Variants in GALNT14 observed in about 807,000 individuals in gnomAD.
GALNT14 encodes the protein UDP-GalNAc:polypeptide N-acetylgalactosaminyltransferase 14.
A neutral mutation model predicts 77.5 loss-of-function variants in GALNT14; 60 were observed. That is an observed-to-expected ratio of 0.77 (90% confidence interval 0.63 to 0.96). The LOEUF is 0.96. Ranked by LOEUF, GALNT14 falls within the 40% of genes least tolerant of loss-of-function variation. The pLI is 0.00. For synonymous variants in GALNT14, 280 were observed against 281.7 expected (o/e 0.99, Z 0.06); for missense variants, 710 against 731.0 (o/e 0.97, Z 0.33).
At chr2:31,107,900 C>T (rs558802449) in intron 1 of GALNT14, among the ~76,000 whole-genome samples, 1 of 152,278 alleles carries the variant, frequency 6.6e-6, no homozygotes, top group South Asian at 2.1e-4. Flanking sequence ...CTCCCATAGA[C>T]CATCAGCCAA....
chr2:30,921,666 T>C (rs770368279), intron 13 of GALNT14, among the ~76,000 whole-genome samples: 4 of 152,186 alleles, frequency 2.6e-5, no homozygotes, highest in Non-Finnish European at 5.9e-5. Context: ...AATGACCACA[T>C]TCAATGTCAG....
intron 1 of GALNT14, among the ~76,000 whole-genome samples, chr2:31,073,622 G>A (rs1355683735): frequency 6.6e-6 from 1 of 151,810 alleles, no homozygotes; most frequent in Non-Finnish European, 1.5e-5. Context: ...AGGGGCCGGC[G>A]GGACTGGGGC....
In GALNT14 at chr2:30,952,396, G is replaced by A. The variant is rs566514442; in HGVS notation, c.654+3222C>T. Among the ~76,000 whole-genome samples the A allele has an allele frequency of 2.6e-5, 4 of 151,588 alleles. No individual in the cohort carries two copies. The South Asian group carries it at 8.4e-4, about 32-fold the overall frequency. On this transcript the variant is annotated intron_variant, in intron 6 of 14. Coordinates refer to ENST00000349752, the MANE Select transcript of GALNT14 (RefSeq NM_024572.4). ...CAATGATAGACTGGATTAAGAAAATGTGGCACATATACACCATGGAATACT... is the reference window on the plus strand; with the variant it reads ...CAATGATAGACTGGATTAAGAAAATATGGCACATATACACCATGGAATACT...
chr2:30,994,591 C>T (rs1304477138), intron 1 of GALNT14, among the ~76,000 whole-genome samples: 1 of 152,162 alleles, frequency 6.6e-6, no homozygotes, highest in Admixed American at 6.5e-5. Context: ...GGCTACAGAA[C>T]ATTCTAGAGG....
At chr2:31,130,009 G>T (rs1678898833) in intron 1 of GALNT14, among the ~76,000 whole-genome samples, 1 of 152,180 alleles carries the variant, frequency 6.6e-6, no homozygotes, top group Admixed American at 6.5e-5. Context: ...CTTCATCTGG[G>T]CATTCAAATC....
In GALNT14 at chr2:31,050,953, C is replaced by G. The variant is rs146148696; in HGVS notation, c.130-57946G>C. On this transcript the variant is annotated intron_variant, in intron 1 of 14. Transcript: ENST00000349752. ...TAACTAAAGTGGAAAGGGCAGGAAA[C>G]AGAGAGGGGCGTTCTTCCCACAGAG... 4.9e-3 allele frequency among the ~76,000 whole-genome samples: 746 copies of G among 152,138 alleles called. 12 individuals carry two copies. The highest frequency in any genetic ancestry group is 0.02 in the South Asian group (98 of 4,796).
chr2:30,940,948 C>T (rs1471955158), intron 9 of GALNT14, among the ~76,000 whole-genome samples: 4 of 152,250 alleles, frequency 2.6e-5, no homozygotes, highest in Admixed American at 1.3e-4. Flanking sequence ...TTTCTCTACA[C>T]TGCCCAGTTT....
At chr2:30,959,935 G>A (rs916649984) in intron 3 of GALNT14, among the ~76,000 whole-genome samples, 4 of 152,184 alleles carry the variant, frequency 2.6e-5, no homozygotes, top group Admixed American at 6.5e-5. Flanking sequence ...AGGTGGAGGC[G>A]CTGTATGCAG....
the GALNT14 span, among the ~76,000 whole-genome samples, chr2:30,904,252 G>A: frequency 9.2e-5 from 14 of 152,228 alleles, no homozygotes; most frequent in South Asian, 6.2e-4. Context: ...AGCTCCCAGC[G>A]TGAGCGACGC....
the GALNT14 span, among the ~76,000 whole-genome samples, chr2:30,887,917 G>A: frequency 6.6e-6 from 1 of 152,204 alleles, no homozygotes; most frequent in African/African-American, 2.4e-5. Flanking sequence ...ACTTACTCAT[G>A]ACTCCTGCTC....
intron 1 of GALNT14, among the ~76,000 whole-genome samples, chr2:31,035,977 T>C (rs1426989122): frequency 6.6e-6 from 1 of 152,100 alleles, no homozygotes; most frequent in African/African-American, 2.4e-5. Flanking sequence ...TTTACCTACA[T>C]AACAAATCTG....
chr2:30,912,914 A>G (rs947331940), intron 13 of GALNT14, among the ~76,000 whole-genome samples: 2 of 152,202 alleles, frequency 1.3e-5, no homozygotes, highest in African/African-American at 4.8e-5. Context: ...GTCTAGGGAA[A>G]GAAGAATGTT....
chr2:30,984,307 T>C (rs1669164607), intron 2 of GALNT14, among the ~76,000 whole-genome samples: 1 of 152,252 alleles, frequency 6.6e-6, no homozygotes, highest in Non-Finnish European at 1.5e-5. Context: ...GCACTTTGTT[T>C]GGGACAGTTG....
intron 10 of GALNT14, among the ~76,000 whole-genome samples, chr2:30,931,039 T>C (rs1665696747): frequency 6.6e-6 from 1 of 152,204 alleles, no homozygotes; most frequent in South Asian, 2.1e-4. Context: ...GTGCCAGACA[T>C]CCCCAGCTCA....
downstream of GALNT14, among the ~76,000 whole-genome samples, chr2:30,907,509 GGAA>G (rs1214272663): frequency 2.0e-5 from 3 of 152,264 alleles, no homozygotes; most frequent in East Asian, 5.8e-4. Flanking sequence ...GACTAAACCA[GGAA>G]GAAGTTGAAT....
Position 31,137,831 on chromosome 2 carries a change from G to T in GALNT14, c.129+127C>A, listed in dbSNP as rs968357458. ...ACATCACATGGTAGCCACATCCGGC[G>T]GCTGTTACCTGCTCGCAGCACCCAG... On this transcript the variant is annotated intron_variant, in intron 1 of 14. Coordinates refer to ENST00000349752, the MANE Select transcript of GALNT14 (RefSeq NM_024572.4). 187 of 1,201,358 alleles carry T rather than the reference G, an allele frequency of 1.6e-4. No individual in the cohort carries two copies. The East Asian group carries it at 2.8e-3, about 18-fold the overall frequency. 74.4% of individuals were successfully genotyped at this position (1,201,358 alleles called of 1,614,324 possible). A position where few individuals can be genotyped will look rare whatever the true frequency, so the allele number is the denominator to read the frequency against.
intron 1 of GALNT14, among the ~76,000 whole-genome samples, chr2:31,030,391 T>G (rs1672333588): frequency 6.6e-6 from 1 of 152,116 alleles, no homozygotes; most frequent in Non-Finnish European, 1.5e-5. Flanking sequence ...CTAGGTATGT[T>G]TAGCAAAAGG....
chr2:30,957,868 C>T (rs1463779442), intron 4 of GALNT14, among the ~76,000 whole-genome samples: 1 of 152,194 alleles, frequency 6.6e-6, no homozygotes, highest in Non-Finnish European at 1.5e-5. Flanking sequence ...TCGGCACTAC[C>T]AGTACATTAC....
At chr2:31,121,702 C>G (rs1678423286) in intron 1 of GALNT14, among the ~76,000 whole-genome samples, 1 of 152,164 alleles carries the variant, frequency 6.6e-6, no homozygotes, top group Non-Finnish European at 1.5e-5. Flanking sequence ...CAGAACCTGC[C>G]TCCTGTTCTA....
Sources: gnomAD v4.1 joint callset for allele counts (sites outside exome capture counted in the v4.1 genomes callset) on GRCh38, gnomAD v4.1.1 for gene constraint, MANE v1.5 for transcripts, NCBI Gene and HGNC (gene_info 2026-07-23, HGNC 2026-07-21) for gene names.